The following MLLT3 variants were observed in gnomAD, a reference collection of about 807,000 sequenced individuals.
MLLT3 encodes the protein protein AF-9.
A neutral mutation model predicts 53.2 loss-of-function variants in MLLT3; 4 were observed. That is an observed-to-expected ratio of 0.08 (90% CI 0.04 to 0.17). MLLT3 has a LOEUF of 0.17. Ranked by LOEUF, MLLT3 falls within the 10% of genes least tolerant of loss-of-function variation. The pLI, the probability that MLLT3 is intolerant of heterozygous loss-of-function variation, is 1.00. For synonymous variants in MLLT3, 283 were observed against 230.6 expected, an observed-to-expected ratio of 1.23 and a Z score of -2.06; for missense variants, 569 against 684.0, an observed-to-expected ratio of 0.83 and a Z score of 1.87.
At position 20,448,395 on chromosome 9, in the gene MLLT3, G is replaced by A; in HGVS notation, c.277-129C>T. 3 of 703,180 alleles carry A rather than the reference G, an allele frequency of 4.3e-6. No individual in the cohort carries two copies. The highest frequency in any genetic ancestry group is 5.0e-5 in the South Asian group (2 of 39,820). The allele number at this position is 703,180 out of a possible 1,614,324, so 43.6% of individuals were successfully genotyped here. On this transcript the variant is annotated intron_variant, in intron 3 of 10. Coordinates refer to ENST00000380338, the MANE Select transcript of MLLT3 (RefSeq NM_004529.4). The surrounding 1 kb of genome is among the most constrained non-coding windows in gnomAD (Gnocchi z 4.0). ...ATCTAACAGCTAAACTGTCAAAGTAGTACTGGGAAAAAAAAAAGTATCATG... is the reference window on the plus strand; with the variant it reads ...ATCTAACAGCTAAACTGTCAAAGTAATACTGGGAAAAAAAAAAGTATCATG...
At chr9:20,414,707 C>A (rs759350093) in intron 4 of MLLT3, among the ~76,000 whole-genome samples, 62 of 152,286 alleles carry the variant, frequency 4.1e-4, no homozygotes, top group Non-Finnish European at 6.9e-4. Context: ...CAAATGTTAA[C>A]TACTGCTTGT....
chr9:20,572,743 G>A lies in MLLT3; in HGVS notation c.193+47911C>T, dbSNP rs754794759. On this transcript the variant is annotated intron_variant, in intron 2 of 10. Coordinates refer to ENST00000380338, the MANE Select transcript of MLLT3 (RefSeq NM_004529.4). ...CTGGAGGCAGAGATTGCAGTGAGCC[G>A]AGATTGCACCACTGCACTCCAGCCT... 2.6e-5 allele frequency among the ~76,000 whole-genome samples: 4 copies of A among 152,212 alleles called. No homozygotes were observed. The East Asian group carries it at 5.8e-4, about 22-fold the overall frequency.
At chr9:20,434,516 G>GC (rs113761372) in intron 4 of MLLT3, among the ~76,000 whole-genome samples, 8,278 of 152,154 alleles carry the variant, frequency 0.054, 605 homozygotes, top group African/African-American at 0.16. Context: ...TCTTCAAGGG[G>GC]CCTTCAGTCT....
At chr9:20,600,921 G>A (rs576161109) in intron 2 of MLLT3, among the ~76,000 whole-genome samples, 24 of 152,196 alleles carry the variant, frequency 1.6e-4, no homozygotes, top group Admixed American at 4.6e-4. Context: ...AAAATTCAAC[G>A]GCACCTTCAA....
At chr9:20,533,025 G>A (rs998303668) in intron 2 of MLLT3, 2 of 273,016 alleles carry the variant, frequency 7.3e-6, no homozygotes, top group East Asian at 1.2e-4. Flanking sequence ...GGTGGTGACT[G>A]CACACAACAT....
At position 20,348,534 on chromosome 9, in the gene MLLT3, A is replaced by G. The variant is rs534858738; in HGVS notation, c.1576-1960T>C. 1.4e-4 allele frequency among the ~76,000 whole-genome samples: 21 copies of G among 152,366 alleles called. No homozygotes were observed. In the East Asian group the frequency reaches 3.9e-3, roughly 28 times the overall value. On this transcript the variant is annotated intron_variant, in intron 10 of 10. Transcript: ENST00000380338. ...AGAAAGACAAGGAGCCTGTGTCATC[A>G]GTGGCATCTTTTAAGCCACTATCTC...
chr9:20,595,620 T>C (rs999182611), intron 2 of MLLT3, among the ~76,000 whole-genome samples: 5 of 152,036 alleles, frequency 3.3e-5, no homozygotes, highest in African/African-American at 7.2e-5. Context: ...CCCAATAAAA[T>C]AGTTAATTCA....
intron 2 of MLLT3, among the ~76,000 whole-genome samples, chr9:20,457,665 A>G (rs1388887311): frequency 6.6e-6 from 1 of 152,200 alleles, no homozygotes; most frequent in African/African-American, 2.4e-5. Context: ...TTACTAAAAT[A>G]CCAATATACA....
chr9:20,374,413 CA>C (rs1821697997), intron 5 of MLLT3, among the ~76,000 whole-genome samples: 1 of 152,110 alleles, frequency 6.6e-6, no homozygotes, highest in South Asian at 2.1e-4. Context: ...CCATGCCAAA[CA>C]ATTGTGGAAA....
chr9:20,599,032 G>A lies in MLLT3; in HGVS notation c.193+21622C>T, dbSNP rs563723190. ...AGAATTTTCTTTGAGTAGGCCAGGC[G>A]CGGTGGCTCACGCCTGTAATCCCAG... On this transcript the variant is annotated intron_variant, in intron 2 of 10. Coordinates refer to ENST00000380338, the MANE Select transcript of MLLT3 (RefSeq NM_004529.4). Among the ~76,000 whole-genome samples the A allele has an allele frequency of 1.0e-3, 158 of 152,276 alleles. 1 individual carries two copies. The highest frequency in any genetic ancestry group is 3.3e-3 in the African/African-American group (138 of 41,570).
intron 5 of MLLT3, among the ~76,000 whole-genome samples, chr9:20,393,539 CA>C (rs1385272144): frequency 6.6e-6 from 1 of 152,150 alleles, no homozygotes. Context: ...CCTTCGATTT[CA>C]AAAATATTCA....
At chr9:20,509,870 TTA>T (rs1228000006) in intron 2 of MLLT3, among the ~76,000 whole-genome samples, 14 of 71,722 alleles carry the variant, frequency 2.0e-4, no homozygotes, top group Admixed American at 3.6e-4. Flanking sequence ...GGTACAATTA[TTA>T]TTTTTTTTTT....
At chr9:20,506,243 GT>G (rs1825377900) in intron 2 of MLLT3, among the ~76,000 whole-genome samples, 1 of 152,120 alleles carries the variant, frequency 6.6e-6, no homozygotes, top group African/African-American at 2.4e-5. Context: ...GTTTCTCCAT[GT>G]TGGCCAGGCT....
chr9:20,605,624 A>G lies in MLLT3; in HGVS notation c.193+15030T>C, dbSNP rs1430681843. Among the ~76,000 whole-genome samples, 8 of 152,164 alleles carry G rather than the reference A, an allele frequency of 5.3e-5. No homozygotes were observed. In the East Asian group the frequency reaches 7.7e-4, roughly 15 times the overall value. ...ATTGTCTTACTCAAGTAATTCGCCTAAAGAACAATTTTAATCCAGTATTTA... is the reference window on the plus strand; with the variant it reads ...ATTGTCTTACTCAAGTAATTCGCCTGAAGAACAATTTTAATCCAGTATTTA... On this transcript the variant is annotated intron_variant, in intron 2 of 10. Transcript: ENST00000380338.
intron 5 of MLLT3, among the ~76,000 whole-genome samples, chr9:20,401,484 A>G (rs1822455614): frequency 6.6e-6 from 1 of 152,174 alleles, no homozygotes; most frequent in Non-Finnish European, 1.5e-5. Flanking sequence ...GACAGACAGG[A>G]TCAGCATGGC....
intron 2 of MLLT3, among the ~76,000 whole-genome samples, chr9:20,498,115 C>T: frequency 6.6e-6 from 1 of 151,500 alleles, no homozygotes; most frequent in East Asian, 1.9e-4. Flanking sequence ...CCCAGCAACT[C>T]AGGAGGCTGA....
intron 5 of MLLT3, among the ~76,000 whole-genome samples, chr9:20,390,342 C>T (rs373982922): frequency 2.0e-5 from 3 of 151,642 alleles, no homozygotes; most frequent in African/African-American, 2.4e-5. Flanking sequence ...GATCTACTAC[C>T]GAAAAAGAGA....
At chr9:20,592,688 T>C (rs1023764779) in intron 2 of MLLT3, among the ~76,000 whole-genome samples, 3 of 152,172 alleles carry the variant, frequency 2.0e-5, no homozygotes, top group African/African-American at 7.2e-5. Flanking sequence ...CTTAAAGTAA[T>C]CATTACTTCA....
intron 2 of MLLT3, among the ~76,000 whole-genome samples, chr9:20,591,543 G>C (rs1207529664): frequency 1.3e-5 from 2 of 152,194 alleles, no homozygotes; most frequent in Non-Finnish European, 2.9e-5. Flanking sequence ...ATTATGAGTA[G>C]TGAACACCAA....
Sources: allele counts gnomAD v4.1 joint callset (sites outside exome capture counted in the v4.1 genomes callset), GRCh38; gene constraint gnomAD v4.1.1; non-coding constraint Gnocchi (gnomAD v3.1); transcripts MANE v1.5; gene names NCBI Gene and HGNC (gene_info 2026-07-23, HGNC 2026-07-21).